Variants in SPATA6 observed in about 807,000 individuals in gnomAD.
The protein encoded by SPATA6 is spermatogenesis-associated protein 6.
SPATA6 carries 56 observed loss-of-function variants against 65.3 expected under a neutral mutation model. The ratio of observed to expected loss-of-function variants is 0.86; its 90% CI spans 0.69 to 1.07. The LOEUF (loss-of-function observed/expected upper bound fraction) is 1.07. Ranked by LOEUF, SPATA6 falls within the 50% of genes least tolerant of loss-of-function variation. The pLI is 0.00. For synonymous variants in SPATA6, 199 were observed against 213.2 expected, an observed-to-expected ratio of 0.93 and a Z score of 0.58; for missense variants, 590 against 594.8, an observed-to-expected ratio of 0.99 and a Z score of 0.08.
At chr1:48,316,777 T>C (rs1320553874) in intron 11 of SPATA6, among the ~76,000 whole-genome samples, 1 of 152,208 alleles carries the variant, frequency 6.6e-6, no homozygotes, top group African/African-American at 2.4e-5. Context: ...TTTTGCAATC[T>C]ACTAATCTGA....
intron 8 of SPATA6, among the ~76,000 whole-genome samples, chr1:48,392,739 T>C (rs1297993432): frequency 2.0e-5 from 3 of 152,054 alleles, no homozygotes; most frequent in Non-Finnish European, 4.4e-5. Flanking sequence ...TAATAAATAT[T>C]AGGCAAGATA....
intron 11 of SPATA6, among the ~76,000 whole-genome samples, chr1:48,338,612 A>ATC (rs1646124593): frequency 6.6e-6 from 1 of 152,028 alleles, no homozygotes. Flanking sequence ...TGCAAAGGCT[A>ATC]TCTCTAAGAA....
chr1:48,330,031 T>C (rs1055495439), intron 11 of SPATA6, among the ~76,000 whole-genome samples: 4 of 152,130 alleles, frequency 2.6e-5, no homozygotes, highest in African/African-American at 9.7e-5. Context: ...ACAAACCCAA[T>C]AGAGGCTGCA....
chr1:48,322,114 G>T (rs1484318979), intron 11 of SPATA6, among the ~76,000 whole-genome samples: 1 of 151,944 alleles, frequency 6.6e-6, no homozygotes, highest in African/African-American at 2.4e-5. Flanking sequence ...ACCTAATGAT[G>T]CATCTTAAAG....
intron 12 of SPATA6, among the ~76,000 whole-genome samples, chr1:48,302,209 G>A (rs1164354895): frequency 6.6e-6 from 1 of 151,852 alleles, no homozygotes; most frequent in East Asian, 1.9e-4. Context: ...TTTTTTAATT[G>A]TTGCTATTTT....
chr1:48,352,992 A>C (rs1646555116), intron 11 of SPATA6, among the ~76,000 whole-genome samples: 2 of 151,968 alleles, frequency 1.3e-5, no homozygotes, highest in Admixed American at 1.3e-4. Context: ...GTTTTGAAGA[A>C]AACTCAGAAT....
chr1:48,328,294 A>G (rs1221974564), intron 11 of SPATA6, among the ~76,000 whole-genome samples: 2 of 152,196 alleles, frequency 1.3e-5, no homozygotes, highest in Non-Finnish European at 2.9e-5. Flanking sequence ...GATTTATCGC[A>G]TAAATGTTGA....
chr1:48,280,165 T>C, the SPATA6 span, among the ~76,000 whole-genome samples: 1 of 152,108 alleles, frequency 6.6e-6, no homozygotes, highest in Admixed American at 6.5e-5. Flanking sequence ...CCAGAATCTC[T>C]GGGACACATT....
At chr1:48,395,937 T>C (rs973356353) in intron 7 of SPATA6, among the ~76,000 whole-genome samples, 1 of 151,844 alleles carries the variant, frequency 6.6e-6, no homozygotes, top group African/African-American at 2.4e-5. Context: ...AGGCAACCCA[T>C]TGAATCAGCC....
At chr1:48,318,569 T>C (rs892505947) in intron 11 of SPATA6, among the ~76,000 whole-genome samples, 4 of 152,156 alleles carry the variant, frequency 2.6e-5, no homozygotes, top group Non-Finnish European at 5.9e-5. Context: ...CTTGATTTTT[T>C]AATGGCTTAA....
intron 3 of SPATA6, among the ~76,000 whole-genome samples, chr1:48,418,588 C>T (rs1209569140): frequency 7.1e-6 from 1 of 141,010 alleles, no homozygotes; most frequent in African/African-American, 2.6e-5. Context: ...ATTAGCTGGG[C>T]CTGGTGGCAT....
intron 10 of SPATA6, among the ~76,000 whole-genome samples, chr1:48,356,556 CA>C (rs1646667623): frequency 6.8e-6 from 1 of 148,028 alleles, no homozygotes; most frequent in Non-Finnish European, 1.5e-5. Context: ...CTCTGTCACC[CA>C]TGCTGGAGTG....
chr1:48,271,409 G>A, the SPATA6 span, among the ~76,000 whole-genome samples: 1 of 152,184 alleles, frequency 6.6e-6, no homozygotes, highest in East Asian at 1.9e-4. Flanking sequence ...TTCTTCTTGA[G>A]TACTGTGGGT....
intron 9 of SPATA6, among the ~76,000 whole-genome samples, chr1:48,381,678 A>ATTTTTTT (rs1373865188): frequency 4.0e-4 from 15 of 37,698 alleles, no homozygotes; most frequent in African/African-American, 1.2e-3. Flanking sequence ...GAATAGTTAA[A>ATTTTTTT]TTTTTTTTCT....
the SPATA6 span, among the ~76,000 whole-genome samples, chr1:48,266,357 T>C: frequency 6.6e-6 from 1 of 152,072 alleles, no homozygotes. Flanking sequence ...TGAATGTAAG[T>C]CCTAGTTCAG....
intron 11 of SPATA6, among the ~76,000 whole-genome samples, chr1:48,309,866 G>C (rs1645156515): frequency 1.3e-5 from 2 of 152,152 alleles, no homozygotes; most frequent in Admixed American, 1.3e-4. Flanking sequence ...AGTGTTTGCT[G>C]AGCAGCTCTG....
intron 8 of SPATA6, among the ~76,000 whole-genome samples, chr1:48,390,818 A>T (rs1375625107): frequency 6.6e-6 from 1 of 152,190 alleles, no homozygotes. Flanking sequence ...TCCAGAAAAT[A>T]AATAAAGACA....
At chr1:48,355,586 C>G (rs750316555) in intron 11 of SPATA6, 84 bp downstream of exon 11, 100 of 952,296 alleles carry the variant, frequency 1.1e-4, no homozygotes, top group Middle Eastern at 3.4e-4. Flanking sequence ...TTCCCGGTGA[C>G]TAAATTTTGT....
At chr1:48,369,102 C>T (rs1647139986) in intron 9 of SPATA6, among the ~76,000 whole-genome samples, 1 of 152,164 alleles carries the variant, frequency 6.6e-6, no homozygotes, top group African/African-American at 2.4e-5. Flanking sequence ...GGCTGCAGAA[C>T]AGCGGATTTT....
Sources: allele counts gnomAD v4.1 joint callset (sites outside exome capture counted in the v4.1 genomes callset), GRCh38; gene constraint gnomAD v4.1.1; transcripts MANE v1.5; gene names NCBI Gene and HGNC (gene_info 2026-07-23, HGNC 2026-07-21).